SLC28A1: variants seen among roughly 807,000 people sequenced by gnomAD.
The protein encoded by SLC28A1 is sodium/nucleoside cotransporter 1.
Under a neutral mutation model 74.8 loss-of-function variants are expected in SLC28A1, and 64 were observed. That is an observed-to-expected ratio of 0.86 (90% CI 0.70 to 1.05). The LOEUF is 1.05. Among genes scored for constraint, SLC28A1 ranks in the 50% least tolerant of loss-of-function variants. The pLI is 0.00. For missense variants in SLC28A1, 828 were observed against 822.8 expected, an observed-to-expected ratio of 1.01 and a Z score of -0.08; for synonymous variants, 359 against 335.0, an observed-to-expected ratio of 1.07 and a Z score of -0.78.
At chr15:84,918,993 A>C (rs1567159540) in intron 10 of SLC28A1, among the ~76,000 whole-genome samples, 1 of 151,554 alleles carries the variant, frequency 6.6e-6, no homozygotes, top group Non-Finnish European at 1.5e-5. Flanking sequence ...CAGGATCTTC[A>C]CCCTCACAGA....
chr15:84,886,931 G>A, intron 2 of SLC28A1, 144 bp downstream of exon 2: 1 of 279,360 alleles, frequency 3.6e-6, no homozygotes, highest in Non-Finnish European at 5.4e-6. Flanking sequence ...GCATTTGGAT[G>A]GAGTAGGGCA....
At position 84,944,614 on chromosome 15, in the gene SLC28A1, G is replaced by T. The variant is rs764972895; in HGVS notation, c.1712G>T (p.Arg571Leu). 1.9e-6 allele frequency: 3 copies of T among 1,614,044 alleles called. No individual in the cohort carries two copies. The highest frequency in any genetic ancestry group is 2.5e-6 in the Non-Finnish European group (3 of 1,179,910). The change falls in exon 17 of 19, where the codon CGG (arginine) becomes CTG (leucine). Residue 571 changes from arginine (R) to leucine (L), a missense_variant. Arg to Leu is a moderately radical substitution (Grantham distance 102). Transcript: ENST00000394573. The part of the protein sequence containing the change: ...RKSDFSQIVL[R>L]ALFTGACVSL... ...AGCGACTTCTCCCAGATAGTGCTCC[G>T]GGCGCTCTTCACGGGAGCCTGTGTG...
chr15:84,895,715 G>T, intron 6 of SLC28A1: 1 of 1,339,532 alleles, frequency 7.5e-7, no homozygotes, highest in Admixed American at 3.2e-5. Context: ...AAATTTATGT[G>T]TTTTATAAGC....
intron 15 of SLC28A1, among the ~76,000 whole-genome samples, chr15:84,936,448 G>T (rs1315451077): frequency 6.6e-6 from 1 of 151,768 alleles, no homozygotes; most frequent in African/African-American, 2.4e-5. Flanking sequence ...AGTAGAGACG[G>T]GGTTCACCAT....
chr15:84,894,948 G>A lies in SLC28A1; in HGVS notation c.286G>A (p.Ala96Thr). The A allele has an allele frequency of 6.2e-7, 1 of 1,614,120 alleles. No individual in the cohort carries two copies. Among genetic ancestry groups the A allele is most frequent in the East Asian group, 2.2e-5 (1 of 44,872 alleles). ...GTGLLCTGLS[A>T]FLLVACLLDF... Reference sequence around the variant, plus strand: ...TCTGTCTCATCCCCCAGGGCTCTCTGCCTTCCTGCTGGTGGCCTGCCTCCT... The same window carrying A: ...TCTGTCTCATCCCCCAGGGCTCTCTACCTTCCTGCTGGTGGCCTGCCTCCT... The change falls in exon 6 of 19, where the codon GCC (alanine) becomes ACC (threonine). Residue 96 changes from alanine (A) to threonine (T), a missense_variant. Transcript: ENST00000394573.
intron 10 of SLC28A1, 119 bp from the exon 11 acceptor site, chr15:84,920,870 A>C: frequency 2.5e-6 from 2 of 797,092 alleles, no homozygotes; most frequent in Non-Finnish European, 2.2e-6. Context: ...ATGTAGATGA[A>C]GGGGTCCTAC....
At chr15:84,891,307 C>T (rs1965344467) in intron 5 of SLC28A1, among the ~76,000 whole-genome samples, 1 of 152,052 alleles carries the variant, frequency 6.6e-6, no homozygotes, top group Non-Finnish European at 1.5e-5. Flanking sequence ...CTGTACTTGG[C>T]AATGACTGGG....
Position 84,894,993 on chromosome 15 carries a change from G to T in SLC28A1, c.331G>T (p.Ala111Ser). 1.2e-6 allele frequency: 2 copies of T among 1,614,164 alleles called. No individual in the cohort carries two copies. Among genetic ancestry groups the T allele is most frequent in the Non-Finnish European group, 1.7e-6 (2 of 1,180,030 alleles). ...CCTCCTGGATTTCCAGAGGGCCCTG[G>T]CTCTGTTTGTCCTCACCTGTGTGGT... ...ACLLDFQRAL[A>S]LFVLTCVVLT... is the part of the protein sequence containing the mutation. Residue 111 changes from alanine to serine, a missense_variant, in exon 6 of 19, where the codon GCT (alanine) becomes TCT (serine). Physicochemically the swap from Ala to Ser is moderately conservative, Grantham distance 99 (BLOSUM62 1). Around this residue, in one of 3 missense-constraint regions of SLC28A1, gnomAD observed 767 missense variants for 753.5 expected, o/e 1.02. Coordinates refer to ENST00000394573, the MANE Select transcript of SLC28A1 (RefSeq NM_004213.5).
chr15:84,902,910 A>G (rs1171865647), intron 6 of SLC28A1, among the ~76,000 whole-genome samples: 1 of 151,990 alleles, frequency 6.6e-6, no homozygotes, highest in Non-Finnish European at 1.5e-5. Flanking sequence ...TTGAATTTTT[A>G]GTAGAGATGG....
At chr15:84,961,877 G>C in the SLC28A1 span, among the ~76,000 whole-genome samples, 942 of 152,120 alleles carry the variant, frequency 6.2e-3, 8 homozygotes, top group African/African-American at 0.021. Flanking sequence ...CAAACCACTG[G>C]GGCAAGATGA....
the SLC28A1 span, among the ~76,000 whole-genome samples, chr15:84,956,390 G>T: frequency 6.7e-6 from 1 of 149,140 alleles, no homozygotes; most frequent in Non-Finnish European, 1.5e-5. Context: ...CCTATCTTGC[G>T]CATTTTTCTC....
intron 6 of SLC28A1, chr15:84,895,533 G>A (rs535591321): frequency 5.1e-6 from 8 of 1,555,442 alleles, no homozygotes; most frequent in South Asian, 2.4e-5. Flanking sequence ...AGCCTCCAGG[G>A]GATTCTGATG....
chr15:84,896,284 C>A (rs1170940665), intron 6 of SLC28A1, among the ~76,000 whole-genome samples: 1 of 152,134 alleles, frequency 6.6e-6, no homozygotes, highest in Non-Finnish European at 1.5e-5. Context: ...AAAAAGACAA[C>A]CCATTTGATG....
chr15:84,950,500 G>A (rs1413969644), downstream of SLC28A1, among the ~76,000 whole-genome samples: 4 of 151,910 alleles, frequency 2.6e-5, no homozygotes, highest in African/African-American at 2.4e-5. Context: ...GAGGTGGGAA[G>A]AGTTCAAGAT....
intron 9 of SLC28A1, among the ~76,000 whole-genome samples, chr15:84,916,005 C>T (rs1446330329): frequency 6.6e-6 from 1 of 151,910 alleles, no homozygotes; most frequent in Admixed American, 6.6e-5. Flanking sequence ...TCTGTCACCC[C>T]AGGCTGGAGT....
At position 84,945,794 on chromosome 15, in the gene SLC28A1, T is replaced by G. The variant is rs1205498650; in HGVS notation, c.*594T>G. The G allele has an allele frequency of 3.1e-5, 1 of 32,382 alleles. No individual in the cohort carries two copies. Among genetic ancestry groups the G allele is most frequent in the Non-Finnish European group, 5.2e-5 (1 of 19,166 alleles). 2.0% of individuals were successfully genotyped at this position (32,382 alleles called of 1,614,324 possible). ...GTTAAATAAACTTAGAGAGGGCTGT[T>G]TAGACTTTTGTTTGTTTATTTTTTT... On this transcript the variant is annotated 3_prime_UTR_variant, in exon 19 of 19. Coordinates refer to ENST00000394573, the MANE Select transcript of SLC28A1 (RefSeq NM_004213.5).
the SLC28A1 span, among the ~76,000 whole-genome samples, chr15:84,956,437 T>C: frequency 6.1e-4 from 67 of 108,954 alleles, no homozygotes; most frequent in Non-Finnish European, 8.9e-4. Context: ...TTCTCTTCCT[T>C]CCTTCCTTTC....
At chr15:84,943,581 C>T in intron 16 of SLC28A1, 55 bp downstream of exon 16, 1 of 1,365,748 alleles carries the variant, frequency 7.3e-7, no homozygotes, top group South Asian at 1.2e-5. Flanking sequence ...CTTGAACTTG[C>T]TCGGGACATG....
intron 6 of SLC28A1, among the ~76,000 whole-genome samples, chr15:84,901,101 A>T (rs958896832): frequency 6.6e-6 from 1 of 152,198 alleles, no homozygotes; most frequent in African/African-American, 2.4e-5. Flanking sequence ...GCACACCTGT[A>T]GTCCCAGCTA....
Sources: allele counts gnomAD v4.1 joint callset (sites outside exome capture counted in the v4.1 genomes callset), GRCh38; gene constraint gnomAD v4.1.1; regional missense constraint gnomAD v4.1.1; transcripts MANE v1.5; gene names NCBI Gene and HGNC (gene_info 2026-07-23, HGNC 2026-07-21).